Variants in TSHZ2 observed in about 807,000 individuals in gnomAD.
The protein encoded by TSHZ2 is teashirt zinc finger homeobox 2, also known as teashirt homolog 2.
Under a neutral mutation model 74.4 loss-of-function variants are expected in TSHZ2, and 21 were observed. That is an observed-to-expected ratio of 0.28 (90% CI 0.20 to 0.41). The LOEUF is 0.41. TSHZ2 is among the 10% of genes least tolerant of loss of function. TSHZ2 has a pLI of 1.00. For synonymous variants in TSHZ2, 540 were observed against 515.3 expected, an observed-to-expected ratio of 1.05 and a Z score of -0.65; for missense variants, 1,244 against 1,293.5, an observed-to-expected ratio of 0.96 and a Z score of 0.59.
chr20:53,089,341 T>TTTTTTTTA (rs370108566), intron 1 of TSHZ2, among the ~76,000 whole-genome samples: 16 of 129,736 alleles, frequency 1.2e-4, no homozygotes, highest in East Asian at 2.1e-4. Flanking sequence ...TTTTTTTTTT[T>TTTTTTTTA]ATTAAACAGA....
chr20:53,478,348 T>A (rs1332239660), intron 2 of TSHZ2, among the ~76,000 whole-genome samples: 1 of 151,928 alleles, frequency 6.6e-6, no homozygotes, highest in African/African-American at 2.4e-5. Flanking sequence ...ATGGATGAGT[T>A]CATGTCCTTT....
chr20:53,113,441 T>C (rs914644769), intron 1 of TSHZ2, among the ~76,000 whole-genome samples: 1 of 152,244 alleles, frequency 6.6e-6, no homozygotes, highest in African/African-American at 2.4e-5. Context: ...TTTATCGCTG[T>C]TTAGCGTATA....
At chr20:52,999,549 TG>T (rs1002906373) in intron 1 of TSHZ2, among the ~76,000 whole-genome samples, 3 of 152,136 alleles carry the variant, frequency 2.0e-5, no homozygotes, top group African/African-American at 7.2e-5. Flanking sequence ...ATTTCCAAAG[TG>T]GGCTAAGCAC....
chr20:53,067,661 T>C (rs1421303178), intron 1 of TSHZ2, among the ~76,000 whole-genome samples: 1 of 152,192 alleles, frequency 6.6e-6, no homozygotes, highest in Non-Finnish European at 1.5e-5. Flanking sequence ...TCTAACTTGG[T>C]GGTGTTCATT....
At chr20:52,984,611 C>T (rs1568704522) in intron 1 of TSHZ2, among the ~76,000 whole-genome samples, 3 of 152,162 alleles carry the variant, frequency 2.0e-5, no homozygotes, top group East Asian at 1.9e-4. Context: ...AAGCAAGGGG[C>T]TGGGGCTGTC....
At chr20:53,450,101 T>G (rs762204878) in intron 2 of TSHZ2, among the ~76,000 whole-genome samples, 21 of 152,230 alleles carry the variant, frequency 1.4e-4, no homozygotes, top group Non-Finnish European at 2.8e-4. Context: ...GAATTGTGAT[T>G]CATAGAAGGC....
chr20:53,383,790 G>C (rs1981943894), intron 2 of TSHZ2, among the ~76,000 whole-genome samples: 1 of 151,854 alleles, frequency 6.6e-6, no homozygotes, highest in Admixed American at 6.6e-5. Flanking sequence ...AATAATAATT[G>C]TTATTACAAA....
chr20:53,219,096 G>C (rs1455898449), intron 1 of TSHZ2, among the ~76,000 whole-genome samples: 1 of 152,202 alleles, frequency 6.6e-6, no homozygotes, highest in Non-Finnish European at 1.5e-5. Context: ...CTTTTACTGT[G>C]TCTCCCCCTT....
intron 2 of TSHZ2, among the ~76,000 whole-genome samples, chr20:53,340,991 T>C (rs1980176352): frequency 2.0e-5 from 3 of 152,242 alleles, no homozygotes; most frequent in Admixed American, 1.3e-4. Flanking sequence ...ATTGTCATTT[T>C]AATTTTTGTT....
At chr20:53,437,522 G>A (rs1283727058) in intron 2 of TSHZ2, among the ~76,000 whole-genome samples, 1 of 152,078 alleles carries the variant, frequency 6.6e-6, no homozygotes, top group East Asian at 1.9e-4. Flanking sequence ...ACTCAAACCA[G>A]TTTAAGCACA....
chr20:53,162,303 C>T (rs1462124267), intron 1 of TSHZ2, among the ~76,000 whole-genome samples: 4 of 152,084 alleles, frequency 2.6e-5, no homozygotes, highest in Admixed American at 6.5e-5. Flanking sequence ...AGGGATGGGG[C>T]GGGGAGGGAA....
At chr20:53,307,925 G>A (rs1181340093) in intron 2 of TSHZ2, among the ~76,000 whole-genome samples, 1 of 152,162 alleles carries the variant, frequency 6.6e-6, no homozygotes, top group African/African-American at 2.4e-5. Context: ...ATCCTCTGTA[G>A]CCAGAGAGGA....
intron 2 of TSHZ2, among the ~76,000 whole-genome samples, chr20:53,309,267 G>A (rs2145497184): frequency 6.6e-6 from 1 of 152,282 alleles, no homozygotes; most frequent in Admixed American, 6.5e-5. Context: ...ACTTCAAGAA[G>A]TGTTTCTTCT....
At chr20:53,362,998 C>G (rs1416011564) in intron 2 of TSHZ2, among the ~76,000 whole-genome samples, 2 of 152,242 alleles carry the variant, frequency 1.3e-5, no homozygotes, top group African/African-American at 2.4e-5. Context: ...ATCACACTCA[C>G]AGCCATGCAG....
chr20:53,125,004 A>G (rs1428091766), intron 1 of TSHZ2, among the ~76,000 whole-genome samples: 1 of 152,208 alleles, frequency 6.6e-6, no homozygotes, highest in Admixed American at 6.5e-5. Flanking sequence ...TGTGCCAATA[A>G]AACTTTATTT....
intron 1 of TSHZ2, among the ~76,000 whole-genome samples, chr20:53,009,535 T>C (rs1242740400): frequency 1.3e-5 from 2 of 152,278 alleles, no homozygotes; most frequent in East Asian, 3.9e-4. Flanking sequence ...TTTCTGGAAT[T>C]TTCTATTTAA....
rs1381751378 is a variant in TSHZ2 at position 53,183,955 on chromosome 20, G to A, written c.41-69544G>A. 3.3e-5 allele frequency among the ~76,000 whole-genome samples: 5 copies of A among 152,160 alleles called. No homozygotes were observed. The East Asian group carries it at 9.6e-4, about 29-fold the overall frequency. On this transcript the variant is annotated intron_variant, in intron 1 of 2. Transcript: ENST00000371497. ...CCGTTGGCCTCAGGAGTGTTATCCT[G>A]AGAGAAATGAAGGGAGTCCTGCCTG...
chr20:53,240,713 TAGA>T (rs1568829533), intron 1 of TSHZ2, among the ~76,000 whole-genome samples: 12 of 140,798 alleles, frequency 8.5e-5, no homozygotes, highest in Non-Finnish European at 7.7e-5. Flanking sequence ...TTAAAATAGA[TAGA>T]TAGATGATAG....
At chr20:53,387,895 A>T (rs1982105848) in intron 2 of TSHZ2, among the ~76,000 whole-genome samples, 1 of 152,014 alleles carries the variant, frequency 6.6e-6, no homozygotes, top group Non-Finnish European at 1.5e-5. Flanking sequence ...AAAATACAAA[A>T]GAAATTAGCC....
Sources: allele counts gnomAD v4.1 joint callset (sites outside exome capture counted in the v4.1 genomes callset), GRCh38; gene constraint gnomAD v4.1.1; transcripts MANE v1.5; gene names NCBI Gene and HGNC (gene_info 2026-07-23, HGNC 2026-07-21).